The following SYBU variants were observed in gnomAD, a reference collection of about 807,000 sequenced individuals.
The protein encoded by SYBU is syntabulin.
Under a neutral mutation model 35.9 loss-of-function variants are expected in SYBU, and 21 were observed. That is an observed-to-expected ratio of 0.58 (90% confidence interval 0.41 to 0.84). The LOEUF is 0.84. SYBU is among the 40% of genes least tolerant of loss of function. The probability of loss-of-function intolerance (pLI) is 0.00; values close to 1 mark genes in which losing one functional copy is unlikely to be tolerated. For synonymous variants in SYBU, 319 were observed against 324.3 expected, an observed-to-expected ratio of 0.98 and a Z score of 0.18; for missense variants, 768 against 848.2, an observed-to-expected ratio of 0.91 and a Z score of 1.17.
At chr8:109,674,750 C>T (rs1273652355) in intron 1 of SYBU, among the ~76,000 whole-genome samples, 1 of 152,164 alleles carries the variant, frequency 6.6e-6, no homozygotes, top group East Asian at 1.9e-4. Flanking sequence ...ACAAAATTAA[C>T]ACGGATATTC....
intron 3 of SYBU, among the ~76,000 whole-genome samples, chr8:109,604,561 G>A (rs1056569911): frequency 6.6e-6 from 1 of 152,208 alleles, no homozygotes; most frequent in African/African-American, 2.4e-5. Context: ...TTAAATGGTA[G>A]CTGAGACTGA....
chr8:109,622,757 T>C (rs996708528), intron 2 of SYBU, among the ~76,000 whole-genome samples: 1 of 151,884 alleles, frequency 6.6e-6, no homozygotes, highest in Non-Finnish European at 1.5e-5. Context: ...TTTTTAGCTT[T>C]TATAAGTTAT....
chr8:109,648,773 GCTGT>G (rs1415229809), upstream of SYBU: 1 of 151,816 alleles, frequency 6.6e-6, no homozygotes, highest in Non-Finnish European at 1.5e-5. Context: ...AGCAAGAGCT[GCTGT>G]CTCTCTCGGT....
At chr8:109,586,463 C>T (rs1254964262) in intron 3 of SYBU, 7 of 315,676 alleles carry the variant, frequency 2.2e-5, no homozygotes, top group South Asian at 5.9e-5. Flanking sequence ...ACTGTTCTCC[C>T]GTATGTGAGG....
chr8:109,593,201 G>A (rs537342719), intron 3 of SYBU, among the ~76,000 whole-genome samples: 1 of 152,136 alleles, frequency 6.6e-6, no homozygotes, highest in Admixed American at 6.5e-5. Flanking sequence ...ATATTATGAG[G>A]AAGAGAGCTC....
intron 3 of SYBU, among the ~76,000 whole-genome samples, chr8:109,616,652 A>G (rs1156523768): frequency 1.3e-5 from 2 of 151,652 alleles, no homozygotes; most frequent in Non-Finnish European, 2.9e-5. Context: ...TAAAATCATT[A>G]CAGGTTATGT....
chr8:109,677,933 G>A (rs922109193), intron 1 of SYBU, among the ~76,000 whole-genome samples: 3 of 151,856 alleles, frequency 2.0e-5, no homozygotes, highest in African/African-American at 4.8e-5. Flanking sequence ...TCAGGAATTC[G>A]AGACCAGCCT....
chr8:109,624,638 A>G (rs1419766150), intron 2 of SYBU, among the ~76,000 whole-genome samples: 1 of 152,202 alleles, frequency 6.6e-6, no homozygotes, highest in Non-Finnish European at 1.5e-5. Context: ...GGGATGTGAT[A>G]TGAGGCATGC....
rs772224988 is a variant in SYBU, at chr8:109,575,571, C to T, written c.1327G>A (p.Asp443Asn). The part of the protein sequence containing the change: ...DSIANSTDLF[D>N]EIVTATTTES... ...GTGGTGGTGGCTGTCACTATCTCATCGAACAAATCTGTGCTGTTGGCTATG... is the reference window on the plus strand; with the variant it reads ...GTGGTGGTGGCTGTCACTATCTCATTGAACAAATCTGTGCTGTTGGCTATG... Residue 443 changes from aspartate (D) to asparagine (N), a missense_variant, in exon 7 of 7, where the codon GAT becomes AAT. By Grantham distance (23) the Asp-to-Asn change is conservative (BLOSUM62 1). Coordinates refer to ENST00000276646, the MANE Select transcript of SYBU (RefSeq NM_001099754.2). 4.3e-6 allele frequency: 7 copies of T among 1,614,140 alleles called. No homozygotes were observed. The East Asian group carries it at 8.9e-5, about 21-fold the overall frequency.
At chr8:109,678,675 G>A (rs988431914) in intron 1 of SYBU, among the ~76,000 whole-genome samples, 8 of 151,936 alleles carry the variant, frequency 5.3e-5, no homozygotes, top group African/African-American at 1.2e-4. Context: ...TCCTGACATC[G>A]TGATCCACCC....
At chr8:109,659,981 T>A (rs1816502764) in intron 1 of SYBU, among the ~76,000 whole-genome samples, 1 of 152,126 alleles carries the variant, frequency 6.6e-6, no homozygotes, top group South Asian at 2.1e-4. Flanking sequence ...ACCTTAACAT[T>A]TATGAGTCAA....
In SYBU at chr8:109,575,119, C is replaced by G. The variant is rs779685780; in HGVS notation, c.1779G>C (p.Leu593=). ...VEERLDGVIP[L]ARGGVVRQYW... ...ACTGCCTCACGACGCCCCCGCGAGCCAGTGGGATGACACCATCCAACCTCT... is the reference window on the plus strand; with the variant it reads ...ACTGCCTCACGACGCCCCCGCGAGCGAGTGGGATGACACCATCCAACCTCT... The change falls in exon 7 of 7, where the codon CTG becomes CTC. Residue 593 remains leucine, a synonymous_variant. Transcript: ENST00000276646. 6.2e-7 allele frequency: 1 copy of G among 1,613,560 alleles called. No homozygotes were observed. Among genetic ancestry groups the G allele is most frequent in the Non-Finnish European group, 8.5e-7 (1 of 1,179,528 alleles).
intron 2 of SYBU, among the ~76,000 whole-genome samples, chr8:109,636,986 G>C (rs536114060): frequency 6.6e-6 from 1 of 152,232 alleles, no homozygotes; most frequent in South Asian, 2.1e-4. Context: ...GCTGGCCACC[G>C]TTTCTACCAT....
intron 2 of SYBU, among the ~76,000 whole-genome samples, chr8:109,633,041 T>G (rs1353256060): frequency 6.6e-6 from 1 of 152,224 alleles, no homozygotes; most frequent in Non-Finnish European, 1.5e-5. Context: ...TGATTTCACT[T>G]TGGCAAAAAG....
intron 1 of SYBU, among the ~76,000 whole-genome samples, chr8:109,652,393 CT>C (rs111759751): frequency 0.12 from 17,782 of 149,608 alleles, 3,170 homozygotes; most frequent in African/African-American, 0.39. Context: ...CTCTCTCTCC[CT>C]TTTTTTTCCC....
At chr8:109,667,458 A>G (rs1816797814) in intron 1 of SYBU, among the ~76,000 whole-genome samples, 1 of 152,082 alleles carries the variant, frequency 6.6e-6, no homozygotes, top group South Asian at 2.1e-4. Context: ...GAAATAAACA[A>G]GAATATTAAA....
chr8:109,662,765 G>A (rs1387980025), intron 1 of SYBU, among the ~76,000 whole-genome samples: 3 of 152,104 alleles, frequency 2.0e-5, no homozygotes, highest in African/African-American at 7.2e-5. Context: ...ATTCCAGCTT[G>A]CCTTCTGTTG....
chr8:109,596,577 ACT>A (rs1021388799), intron 3 of SYBU, among the ~76,000 whole-genome samples: 2 of 152,158 alleles, frequency 1.3e-5, no homozygotes, highest in African/African-American at 4.8e-5. Context: ...TTTGTTTTTA[ACT>A]TTTTAAAATA....
At chr8:109,642,323 A>G (rs149803985) in intron 2 of SYBU, among the ~76,000 whole-genome samples, 1,941 of 152,306 alleles carry the variant, frequency 0.013, 19 homozygotes, top group Middle Eastern at 0.024. Context: ...GAGGGATAGC[A>G]TTAGGAGAAA....
Sources: gnomAD v4.1 joint callset for allele counts (sites outside exome capture counted in the v4.1 genomes callset) on GRCh38, gnomAD v4.1.1 for gene constraint, MANE v1.5 for transcripts, NCBI Gene and HGNC (gene_info 2026-07-23, HGNC 2026-07-21) for gene names.